Variants in CDKN2B-AS1 observed in about 807,000 individuals in gnomAD.
The protein encoded by CDKN2B-AS1 is CDKN2B antisense RNA 1 (non-protein coding).
intron 1 of CDKN2B-AS1, among the ~76,000 whole-genome samples, chr9:22,044,531 G>A (rs981225467): frequency 6.6e-6 from 1 of 151,904 alleles, no homozygotes; most frequent in African/African-American, 2.4e-5. Flanking sequence ...CAGTGATTCT[G>A]TAAAAAACAC....
chr9:22,072,918 C>T (rs1283527094), intron 4 of CDKN2B-AS1, among the ~76,000 whole-genome samples: 1 of 152,006 alleles, frequency 6.6e-6, no homozygotes, highest in African/African-American at 2.4e-5. Context: ...TTTCTCATTT[C>T]GTAGAAATTG....
intron 4 of CDKN2B-AS1, among the ~76,000 whole-genome samples, chr9:22,059,869 G>T (rs538714736): frequency 6.6e-6 from 1 of 152,338 alleles, no homozygotes; most frequent in East Asian, 1.9e-4. Context: ...GCCAAGGCTT[G>T]GGGCTTCCAC....
intron 4 of CDKN2B-AS1, among the ~76,000 whole-genome samples, chr9:22,115,259 T>C (rs532178015): frequency 1.3e-5 from 2 of 152,306 alleles, no homozygotes; most frequent in African/African-American, 2.4e-5. Flanking sequence ...TTAGTTTGGT[T>C]CTACTTATAC....
intron 4 of CDKN2B-AS1, among the ~76,000 whole-genome samples, chr9:22,086,462 C>T (rs372742784): frequency 2.6e-5 from 4 of 152,282 alleles, no homozygotes; most frequent in South Asian, 2.1e-4. Flanking sequence ...TTACAAGTCC[C>T]AAGCACACGT....
chr9:22,059,166 T>G (rs1823698392), intron 4 of CDKN2B-AS1: 1 of 152,162 alleles, frequency 6.6e-6, no homozygotes, highest in African/African-American at 2.4e-5. Flanking sequence ...TCACCCAAAG[T>G]CTTAACTCAT....
chr9:22,103,764 TA>T (rs2131359229), intron 4 of CDKN2B-AS1, among the ~76,000 whole-genome samples: 1 of 152,278 alleles, frequency 6.6e-6, no homozygotes, highest in South Asian at 2.1e-4. Context: ...CTTTAAAAAA[TA>T]TTTTAGGCTT....
chr9:22,070,051 A>C (rs1172056236), intron 4 of CDKN2B-AS1, among the ~76,000 whole-genome samples: 1 of 152,168 alleles, frequency 6.6e-6, no homozygotes, highest in Non-Finnish European at 1.5e-5. Context: ...CATTTTATGA[A>C]AACCAAATGA....
At chr9:22,053,678 G>A (rs1268977931) in intron 3 of CDKN2B-AS1, among the ~76,000 whole-genome samples, 2 of 152,100 alleles carry the variant, frequency 1.3e-5, no homozygotes, top group African/African-American at 2.4e-5. Context: ...CTGATGTTTG[G>A]AGCAAGAACA....
chr9:22,126,762 C>T (rs558641745), intron 4 of CDKN2B-AS1, among the ~76,000 whole-genome samples: 3 of 151,932 alleles, frequency 2.0e-5, no homozygotes, highest in East Asian at 2.0e-4. Flanking sequence ...TTAGTAGAGA[C>T]GGGGTTTCAC....
intron 4 of CDKN2B-AS1, among the ~76,000 whole-genome samples, chr9:22,098,478 A>T (rs1236779178): frequency 6.6e-6 from 1 of 152,014 alleles, no homozygotes; most frequent in African/African-American, 2.4e-5. Context: ...CACCTTTATA[A>T]AAATAAAATA....
chr9:22,029,018 A>C (rs957406238), intron 1 of CDKN2B-AS1, among the ~76,000 whole-genome samples: 19 of 151,784 alleles, frequency 1.3e-4, no homozygotes, highest in Admixed American at 5.3e-4. Context: ...CAATTTGGAC[A>C]TCAAAAAGAA....
chr9:22,004,970 T>C (rs769325023), intron 1 of CDKN2B-AS1: 4 of 233,234 alleles, frequency 1.7e-5, no homozygotes, highest in Non-Finnish European at 3.4e-5. Flanking sequence ...GCTGTAGTTC[T>C]TCCTCACATT....
chr9:22,066,849 A>G (rs1824064224), intron 4 of CDKN2B-AS1, among the ~76,000 whole-genome samples: 1 of 152,072 alleles, frequency 6.6e-6, no homozygotes, highest in African/African-American at 2.4e-5. Context: ...GATTAAGAAA[A>G]TGTGGCATAT....
At chr9:22,035,075 T>G (rs767738409) in intron 1 of CDKN2B-AS1, among the ~76,000 whole-genome samples, 8 of 152,150 alleles carry the variant, frequency 5.3e-5, no homozygotes, top group Non-Finnish European at 8.8e-5. Flanking sequence ...TAGCAAAATA[T>G]CTGGCATCTA....
intron 4 of CDKN2B-AS1, among the ~76,000 whole-genome samples, chr9:22,088,088 T>C (rs538952309): frequency 1.3e-5 from 2 of 152,286 alleles, no homozygotes; most frequent in Admixed American, 6.5e-5. Flanking sequence ...CTAAATGTCA[T>C]GCAGTGACTT....
chr9:22,027,834 G>T (rs1407196790), intron 1 of CDKN2B-AS1, among the ~76,000 whole-genome samples: 1 of 151,548 alleles, frequency 6.6e-6, no homozygotes, highest in Non-Finnish European at 1.5e-5. Flanking sequence ...TGTAAGGAAA[G>T]GAAAAATAAA....
chr9:22,003,350 T>C, intron 1 of CDKN2B-AS1: 1 of 223,886 alleles, frequency 4.5e-6, no homozygotes, highest in Non-Finnish European at 8.9e-6. Context: ...ACATTTTCTT[T>C]AGTTTCCCTT....
At chr9:22,119,424 ACTCTTATGCG>A (rs1465818907) in intron 4 of CDKN2B-AS1, 2 of 151,966 alleles carry the variant, frequency 1.3e-5, no homozygotes, top group Admixed American at 1.3e-4. Flanking sequence ...TGCTGACTTC[ACTCTTATGCG>A]CTCTTGGGGC....
rs140359540 is a variant in CDKN2B-AS1, at chr9:21,999,980, A to G, written n.29+4819A>G. 2.6e-3 allele frequency among the ~76,000 whole-genome samples: 392 copies of G among 152,240 alleles called. 3 individuals are homozygous for G. The highest frequency in any genetic ancestry group is 9.0e-3 in the African/African-American group (375 of 41,552). On this transcript the variant is annotated intron_variant and non_coding_transcript_variant, in intron 1 of 4. Transcript: ENST00000650946. The surrounding 1 kb of genome is among the most constrained non-coding windows in gnomAD (Gnocchi z 4.7). ...TAATTAAATATTTGTAATAGTGGTT[A>G]CCTTTGGGTAGTAAGAATGAGGGTG...
Sources: gnomAD v4.1 joint callset for allele counts (sites outside exome capture counted in the v4.1 genomes callset) on GRCh38, gnomAD v4.1.1 for gene constraint, Gnocchi (gnomAD v3.1) non-coding constraint, MANE v1.5 for transcripts, NCBI Gene and HGNC (gene_info 2026-07-23, HGNC 2026-07-21) for gene names.